The following ADCY2 variants were observed in gnomAD, a reference collection of about 807,000 sequenced individuals.
ADCY2 encodes adenylate cyclase 2.
In ADCY2, 31 loss-of-function variants were observed where a neutral mutation model predicts 125.2. The observed-to-expected ratio is 0.25, with a 90% CI of 0.19 to 0.33. The LOEUF (loss-of-function observed/expected upper bound fraction) is 0.33. ADCY2 is among the 10% of genes least tolerant of loss of function. The probability of loss-of-function intolerance (pLI) is 1.00; values close to 1 mark genes in which losing one functional copy is unlikely to be tolerated. For missense variants in ADCY2, 904 were observed against 1,418.2 expected (o/e 0.64, Z 5.82); for synonymous variants, 512 against 548.4 (o/e 0.93, Z 0.93).
intron 2 of ADCY2, among the ~76,000 whole-genome samples, chr5:7,487,052 G>A (rs369070847): frequency 6.6e-6 from 1 of 152,204 alleles, no homozygotes; most frequent in Non-Finnish European, 1.5e-5. Flanking sequence ...GCATTAGTTC[G>A]AGTTCATGCC....
intron 17 of ADCY2, among the ~76,000 whole-genome samples, chr5:7,770,829 C>G (rs1743531862): frequency 6.6e-6 from 1 of 152,086 alleles, no homozygotes; most frequent in African/African-American, 2.4e-5. Context: ...TTGTGAAGGC[C>G]CTTTTTTCAT....
intron 3 of ADCY2, among the ~76,000 whole-genome samples, chr5:7,548,371 G>T (rs1465252555): frequency 6.6e-6 from 1 of 151,902 alleles, no homozygotes; most frequent in Admixed American, 6.6e-5. Flanking sequence ...GTATATATAG[G>T]AGTGTGTGTA....
chr5:7,399,568 T>C (rs1346902857), intron 1 of ADCY2, among the ~76,000 whole-genome samples: 1 of 152,246 alleles, frequency 6.6e-6, no homozygotes, highest in Non-Finnish European at 1.5e-5. Flanking sequence ...ACAGTCTTGG[T>C]TAATTTATTA....
chr5:7,553,794 G>A (rs950408613), intron 3 of ADCY2, among the ~76,000 whole-genome samples: 3 of 152,186 alleles, frequency 2.0e-5, no homozygotes, highest in Non-Finnish European at 4.4e-5. Context: ...CCCAGCCAGT[G>A]CTTGGGAGCA....
intron 4 of ADCY2, among the ~76,000 whole-genome samples, chr5:7,643,524 C>G (rs1047584819): frequency 1.3e-5 from 2 of 151,950 alleles, no homozygotes; most frequent in Non-Finnish European, 2.9e-5. Flanking sequence ...TAGGTCTGTG[C>G]TTACAGGAAA....
chr5:7,665,950 T>G (rs529650476), intron 4 of ADCY2, among the ~76,000 whole-genome samples: 1 of 140,800 alleles, frequency 7.1e-6, no homozygotes, highest in African/African-American at 2.6e-5. Context: ...GCCATTCTCC[T>G]GCCTCAGCTT....
intron 2 of ADCY2, among the ~76,000 whole-genome samples, chr5:7,459,887 C>T (rs1425801031): frequency 1.4e-5 from 2 of 143,762 alleles, no homozygotes; most frequent in East Asian, 2.2e-4. Flanking sequence ...CCCGGGTTCA[C>T]GCTATTCTTC....
intron 1 of ADCY2, among the ~76,000 whole-genome samples, chr5:7,413,191 C>T (rs1331654658): frequency 6.6e-6 from 1 of 152,174 alleles, no homozygotes; most frequent in Non-Finnish European, 1.5e-5. Context: ...GTTAGAGCTG[C>T]CAGTGGGTGG....
At chr5:7,432,074 G>T (rs373757452) in intron 2 of ADCY2, among the ~76,000 whole-genome samples, 3 of 152,064 alleles carry the variant, frequency 2.0e-5, no homozygotes, top group Non-Finnish European at 4.4e-5. Flanking sequence ...ACCATTGAAC[G>T]TTGGAAAGAA....
intron 22 of ADCY2, among the ~76,000 whole-genome samples, chr5:7,816,332 A>T (rs1202550358): frequency 1.3e-5 from 2 of 152,226 alleles, no homozygotes; most frequent in Non-Finnish European, 2.9e-5. Context: ...ACCCCTGTGG[A>T]AAGCCTGCGG....
At position 7,557,806 on chromosome 5, in the gene ADCY2, A is replaced by T. The variant is rs577694326; in HGVS notation, c.570+36907A>T. 1.3e-5 allele frequency among the ~76,000 whole-genome samples: 2 copies of T among 152,176 alleles called. 1 individual carries two copies. The highest frequency in any genetic ancestry group is 1.3e-4 in the Admixed American group (2 of 15,280). ...TGATTCCATGTTGTTGCTATTGTGA[A>T]TAGTGCTGCAATGAACATACATGTG... On this transcript the variant is annotated intron_variant, in intron 3 of 24. Coordinates refer to ENST00000338316, the MANE Select transcript of ADCY2 (RefSeq NM_020546.3).
At chr5:7,524,235 T>C (rs1734367588) in intron 3 of ADCY2, among the ~76,000 whole-genome samples, 1 of 152,230 alleles carries the variant, frequency 6.6e-6, no homozygotes, top group Non-Finnish European at 1.5e-5. Context: ...ACTTTTGTTT[T>C]GAAACAATAA....
intron 2 of ADCY2, among the ~76,000 whole-genome samples, chr5:7,483,607 T>C (rs1330321630): frequency 6.6e-6 from 1 of 152,126 alleles, no homozygotes; most frequent in Non-Finnish European, 1.5e-5. Context: ...TGACCTCGGG[T>C]GTTTGGAGCC....
At chr5:7,775,841 G>A (rs867808762) in intron 18 of ADCY2, among the ~76,000 whole-genome samples, 1 of 152,198 alleles carries the variant, frequency 6.6e-6, no homozygotes, top group African/African-American at 2.4e-5. Context: ...CGGGCTGCAC[G>A]ATATTATCAG....
intron 3 of ADCY2, among the ~76,000 whole-genome samples, chr5:7,577,591 G>A (rs976736373): frequency 6.6e-6 from 1 of 152,104 alleles, no homozygotes; most frequent in African/African-American, 2.4e-5. Context: ...ATGAGTCCAA[G>A]AACAGCTGAT....
intron 3 of ADCY2, among the ~76,000 whole-genome samples, chr5:7,548,391 A>G (rs942032280): frequency 2.3e-4 from 35 of 152,090 alleles, no homozygotes; most frequent in African/African-American, 8.0e-4. Context: ...ATGTACAGGT[A>G]TATATATCAT....
intron 2 of ADCY2, among the ~76,000 whole-genome samples, chr5:7,507,491 G>A (rs1388984356): frequency 6.7e-6 from 1 of 148,592 alleles, no homozygotes; most frequent in Non-Finnish European, 1.5e-5. Flanking sequence ...TAAAAACCTA[G>A]GGTAGAAAGT....
intron 4 of ADCY2, among the ~76,000 whole-genome samples, chr5:7,632,213 C>T (rs768025484): frequency 7.9e-5 from 12 of 152,138 alleles, no homozygotes; most frequent in Non-Finnish European, 1.0e-4. Context: ...ACACATCGTG[C>T]GGCAGGTACA....
At chr5:7,769,771 G>A (rs1743502743) in intron 17 of ADCY2, among the ~76,000 whole-genome samples, 1 of 152,164 alleles carries the variant, frequency 6.6e-6, no homozygotes, top group Non-Finnish European at 1.5e-5. Flanking sequence ...AAGTGAAGAA[G>A]CTAAGACCCA....
Sources: allele counts gnomAD v4.1 joint callset (sites outside exome capture counted in the v4.1 genomes callset), GRCh38; gene constraint gnomAD v4.1.1; transcripts MANE v1.5; gene names NCBI Gene and HGNC (gene_info 2026-07-23, HGNC 2026-07-21).